The following INTS6 variants were observed in gnomAD, a reference collection of about 807,000 sequenced individuals.
INTS6 encodes the protein DEAD box protein.
A neutral mutation model predicts 104.9 loss-of-function variants in INTS6; 16 were observed. The observed-to-expected ratio is 0.15, with a 90% CI of 0.10 to 0.23. The LOEUF is 0.23. Ranked by LOEUF, INTS6 falls within the 10% of genes least tolerant of loss-of-function variation. The pLI is 1.00. For missense variants in INTS6, 584 were observed against 1,062.8 expected (o/e 0.55, Z 6.26); for synonymous variants, 324 against 358.7 (o/e 0.90, Z 1.09).
Position 51,365,810 on chromosome 13 carries a change from T to C in INTS6, c.2606A>G (p.Asn869Ser). The change falls in exon 18 of 18, where the codon AAC (asparagine) becomes AGC (serine). Residue 869 changes from asparagine to serine, a missense_variant. Physicochemically the swap from Asn to Ser is conservative, Grantham distance 46. This residue lies in a region of INTS6 where 296 missense variants were observed against 437.0 expected (regional missense o/e 0.68). Transcript: ENST00000311234. ...KKRMLIEQLE[N>S]FLDEIHRRAN... is the part of the protein sequence containing the mutation. ...TCTTCGATGAATTTCATCCAAGAAG[T>C]TCTCCAGTTGTTCTATTAGCATTCG... The C allele has an allele frequency of 6.2e-7, 1 of 1,603,002 alleles. No individual in the cohort carries two copies. The highest frequency in any genetic ancestry group is 8.5e-7 in the Non-Finnish European group (1 of 1,174,840).
chr13:51,403,809 G>T (rs1178703567), intron 4 of INTS6, among the ~76,000 whole-genome samples: 1 of 151,940 alleles, frequency 6.6e-6, no homozygotes, highest in African/African-American at 2.4e-5. Context: ...TTCCCCCACA[G>T]TATTTGTCAT....
intron 4 of INTS6, among the ~76,000 whole-genome samples, chr13:51,397,087 T>C (rs1289066756): frequency 2.6e-5 from 4 of 152,214 alleles, no homozygotes; most frequent in Non-Finnish European, 2.9e-5. Flanking sequence ...CACTTCTAAA[T>C]TAATTGTCAT....
intron 17 of INTS6, among the ~76,000 whole-genome samples, chr13:51,366,954 G>A (rs1467530152): frequency 6.6e-6 from 1 of 151,902 alleles, no homozygotes; most frequent in Non-Finnish European, 1.5e-5. Flanking sequence ...ATACAACTAT[G>A]TTTTCCAGTT....
At chr13:51,350,565 T>C (rs1955394358), downstream of INTS6, among the ~76,000 whole-genome samples, 1 of 152,180 alleles carries the variant, frequency 6.6e-6, no homozygotes, top group Non-Finnish European at 1.5e-5. Flanking sequence ...AGTTTTGCCC[T>C]TCCTCCCAGG....
intron 4 of INTS6, among the ~76,000 whole-genome samples, chr13:51,429,305 A>C (rs1180683446): frequency 1.3e-5 from 2 of 152,156 alleles, no homozygotes; most frequent in African/African-American, 2.4e-5. Flanking sequence ...CAAACAATAA[A>C]GCTCCATCAA....
chr13:51,448,665 A>G (rs1465950155), intron 3 of INTS6: 1 of 152,210 alleles, frequency 6.6e-6, no homozygotes, highest in Non-Finnish European at 1.5e-5. Flanking sequence ...ATATCTACAT[A>G]AATATACAAA....
At chr13:51,428,321 T>C (rs926273801) in intron 4 of INTS6, among the ~76,000 whole-genome samples, 7 of 151,636 alleles carry the variant, frequency 4.6e-5, no homozygotes, top group Non-Finnish European at 8.8e-5. Context: ...AATGACTTTT[T>C]TTTTCTTTTT....
intron 3 of INTS6, chr13:51,443,177 T>C (rs953180924): frequency 1.3e-5 from 2 of 152,204 alleles, no homozygotes; most frequent in African/African-American, 4.8e-5. Flanking sequence ...TTTTTAAAAA[T>C]ATTTCATAAA....
At chr13:51,389,836 T>TA (rs1956213061) in intron 5 of INTS6, among the ~76,000 whole-genome samples, 1 of 152,120 alleles carries the variant, frequency 6.6e-6, no homozygotes, top group Non-Finnish European at 1.5e-5. Context: ...CACACACATC[T>TA]AGTAACTGTC....
intron 4 of INTS6, among the ~76,000 whole-genome samples, chr13:51,403,070 C>G (rs1486385678): frequency 6.6e-6 from 1 of 152,096 alleles, no homozygotes; most frequent in Non-Finnish European, 1.5e-5. Context: ...ATTATAAAAT[C>G]TCAGATAACC....
At chr13:51,425,945 A>C (rs1413103) in intron 4 of INTS6, among the ~76,000 whole-genome samples, 5,200 of 152,084 alleles carry the variant, frequency 0.034, 102 homozygotes, top group South Asian at 0.059. Context: ...AAATGCTACA[A>C]CCAGTTTTAT....
At chr13:51,375,746 T>TGC (rs1955912856) in intron 13 of INTS6, among the ~76,000 whole-genome samples, 1 of 150,032 alleles carries the variant, frequency 6.7e-6, no homozygotes, top group African/African-American at 2.5e-5. Context: ...TGTGTGTGTG[T>TGC]GTGTGTGTGT....
At chr13:51,386,647 T>TAA (rs1178781991) in intron 7 of INTS6, among the ~76,000 whole-genome samples, 2 of 152,110 alleles carry the variant, frequency 1.3e-5, no homozygotes, top group African/African-American at 4.8e-5. Flanking sequence ...GTATCAAACA[T>TAA]TATTAGACTG....
At chr13:51,410,069 G>A (rs1410340814) in intron 4 of INTS6, among the ~76,000 whole-genome samples, 1 of 152,038 alleles carries the variant, frequency 6.6e-6, no homozygotes, top group South Asian at 2.1e-4. Context: ...TACAAATATT[G>A]CTGAAAAAAT....
At position 51,392,325 on chromosome 13, in the gene INTS6, C is replaced by T. The variant is rs75306048; in HGVS notation, c.614-2881G>A. Among the ~76,000 whole-genome samples, 1,485 of 152,324 alleles carry T rather than the reference C, an allele frequency of 9.7e-3. 20 individuals are homozygous for T. Among genetic ancestry groups the T allele is most frequent in the African/African-American group, 0.034 (1,421 of 41,570 alleles). On this transcript the variant is annotated intron_variant, in intron 5 of 17. Coordinates refer to ENST00000311234, the MANE Select transcript of INTS6 (RefSeq NM_012141.3). ...TCTAAACCTAGCTATTACTCTATTC[C>T]CCGCTATGTAAGCTCCAGCCATGCC...
chr13:51,388,677 G>C (rs1192506353), intron 6 of INTS6, among the ~76,000 whole-genome samples: 3 of 152,168 alleles, frequency 2.0e-5, no homozygotes, highest in African/African-American at 7.2e-5. Context: ...AGAGGTGTGA[G>C]CCACCGTGCC....
At chr13:51,340,004 A>G in the INTS6 span, among the ~76,000 whole-genome samples, 2 of 152,038 alleles carry the variant, frequency 1.3e-5, no homozygotes, top group African/African-American at 4.8e-5. Context: ...TGTAGGGAGG[A>G]AGGGTTGGAA....
chr13:51,449,600 T>C (rs1315536056), intron 3 of INTS6: 2 of 985,186 alleles, frequency 2.0e-6, no homozygotes, highest in Non-Finnish European at 2.4e-6. Context: ...ACTAACAACA[T>C]GACAACCAAA....
At chr13:51,435,106 C>A (rs936207005) in intron 3 of INTS6, among the ~76,000 whole-genome samples, 3 of 151,616 alleles carry the variant, frequency 2.0e-5, no homozygotes, top group African/African-American at 4.8e-5. Flanking sequence ...TTATAAGTAG[C>A]CTTTATCATA....
Sources: allele counts gnomAD v4.1 joint callset (sites outside exome capture counted in the v4.1 genomes callset), GRCh38; gene constraint gnomAD v4.1.1; regional missense constraint gnomAD v4.1.1; transcripts MANE v1.5; gene names NCBI Gene and HGNC (gene_info 2026-07-23, HGNC 2026-07-21).